The following ATP8A2 variants were observed in gnomAD, a reference collection of about 807,000 sequenced individuals.
ATP8A2 encodes the protein ATPase phospholipid transporting 8A2, also known as phospholipid-transporting ATPase IB.
A neutral mutation model predicts 165.6 loss-of-function variants in ATP8A2; 100 were observed. That is an observed-to-expected ratio of 0.60 (90% confidence interval 0.51 to 0.71). ATP8A2 has a LOEUF of 0.71. ATP8A2 is among the 30% of genes least tolerant of loss of function. The probability of loss-of-function intolerance (pLI) is 0.00; values close to 1 mark genes in which losing one functional copy is unlikely to be tolerated. For synonymous variants in ATP8A2, 543 were observed against 548.8 expected, an observed-to-expected ratio of 0.99 and a Z score of 0.15; for missense variants, 1,227 against 1,479.5, an observed-to-expected ratio of 0.83 and a Z score of 2.80.
intron 24 of ATP8A2, among the ~76,000 whole-genome samples, chr13:25,606,423 T>C (rs564172269): frequency 6.6e-6 from 1 of 152,352 alleles, no homozygotes; most frequent in South Asian, 2.1e-4. Flanking sequence ...TAAAGCCTAC[T>C]CTATAAGTTG....
At chr13:25,891,374 G>A (rs2138898345) in intron 33 of ATP8A2, among the ~76,000 whole-genome samples, 1 of 152,282 alleles carries the variant, frequency 6.6e-6, no homozygotes, top group African/African-American at 2.4e-5. Flanking sequence ...CCAGGCTGGA[G>A]TGCAATGGTG....
At chr13:25,810,161 G>A (rs1173520170) in intron 27 of ATP8A2, among the ~76,000 whole-genome samples, 1 of 152,178 alleles carries the variant, frequency 6.6e-6, no homozygotes, top group Non-Finnish European at 1.5e-5. Context: ...ACTACTGTGG[G>A]AAAAGCACTC....
intron 27 of ATP8A2, among the ~76,000 whole-genome samples, chr13:25,816,949 T>C (rs1326887198): frequency 1.3e-5 from 2 of 152,116 alleles, no homozygotes; most frequent in Admixed American, 1.3e-4. Context: ...TGTGACTTTA[T>C]TGGTTATAAA....
At chr13:25,788,259 A>G (rs1222270170) in intron 27 of ATP8A2, among the ~76,000 whole-genome samples, 4 of 152,274 alleles carry the variant, frequency 2.6e-5, no homozygotes. Flanking sequence ...AGTGCCGACC[A>G]CAGAGTGAGC....
chr13:25,562,241 A>G (rs528863397), intron 15 of ATP8A2, among the ~76,000 whole-genome samples: 114 of 152,318 alleles, frequency 7.5e-4, no homozygotes, highest in African/African-American at 2.6e-3. Flanking sequence ...CCTGCCAGCA[A>G]TGCACAAGGG....
At chr13:25,549,638 T>C (rs1396787749) in intron 10 of ATP8A2, among the ~76,000 whole-genome samples, 2 of 152,062 alleles carry the variant, frequency 1.3e-5, no homozygotes, top group Admixed American at 6.5e-5. Context: ...CAGTGTCTCC[T>C]TCCCCAACCT....
chr13:25,814,697 G>A lies in ATP8A2; in HGVS notation c.2680-13421G>A, dbSNP rs150904556. Among the ~76,000 whole-genome samples the A allele has an allele frequency of 5.1e-4, 77 of 150,784 alleles. No individual in the cohort carries two copies. In the East Asian group the frequency reaches 0.015, roughly 29 times the overall value. On this transcript the variant is annotated intron_variant, in intron 27 of 36. Transcript: ENST00000381655. ...TATCCAGATGCAAAATAATGAAGTT[G>A]GACCCTTACTTAACACCATATGAAA...
intron 35 of ATP8A2, among the ~76,000 whole-genome samples, chr13:25,979,230 A>T (rs2139249458): frequency 6.6e-6 from 1 of 152,328 alleles, no homozygotes; most frequent in East Asian, 1.9e-4. Context: ...TATCACCAAG[A>T]GATGGTCATT....
At chr13:26,001,133 TACAC>T (rs760448229) in intron 35 of ATP8A2, among the ~76,000 whole-genome samples, 7 of 152,246 alleles carry the variant, frequency 4.6e-5, no homozygotes, top group African/African-American at 7.2e-5. Flanking sequence ...AATCATGTAA[TACAC>T]AGCCTTTGAG....
intron 1 of ATP8A2, among the ~76,000 whole-genome samples, chr13:25,402,154 A>G (rs1390050695): frequency 1.3e-5 from 2 of 152,274 alleles, no homozygotes; most frequent in East Asian, 3.9e-4. Context: ...TTCGCTGGAT[A>G]AGGGGATGAT....
At chr13:25,475,351 TCA>T (rs766106574) in intron 2 of ATP8A2, among the ~76,000 whole-genome samples, 1 of 152,238 alleles carries the variant, frequency 6.6e-6, no homozygotes, top group South Asian at 2.1e-4. Context: ...AGACATGATC[TCA>T]TTCTTTTTTA....
chr13:25,407,328 T>C (rs1053663320), intron 1 of ATP8A2, among the ~76,000 whole-genome samples: 1 of 152,202 alleles, frequency 6.6e-6, no homozygotes, highest in Non-Finnish European at 1.5e-5. Context: ...AAAAGGCTAA[T>C]TGAATTTTTG....
chr13:25,624,898 G>C (rs1373479115), intron 24 of ATP8A2, among the ~76,000 whole-genome samples: 1 of 152,160 alleles, frequency 6.6e-6, no homozygotes, highest in Non-Finnish European at 1.5e-5. Context: ...GCAGATGTGT[G>C]TTGCTTCTGA....
At chr13:25,508,481 A>T (rs555947912) in intron 2 of ATP8A2, among the ~76,000 whole-genome samples, 25 of 152,376 alleles carry the variant, frequency 1.6e-4, no homozygotes, top group Admixed American at 1.3e-3. Flanking sequence ...TTATATCACC[A>T]TTAAAAAGGA....
chr13:25,637,032 A>G (rs942236062), intron 24 of ATP8A2, among the ~76,000 whole-genome samples: 9 of 142,028 alleles, frequency 6.3e-5, no homozygotes, highest in South Asian at 4.6e-4. Flanking sequence ...TGACACTGCA[A>G]TGAGTTGAGA....
In ATP8A2 at chr13:25,750,189, C is replaced by A. The variant is rs1037068970; in HGVS notation, c.2385-18857C>A. Among the ~76,000 whole-genome samples the A allele has an allele frequency of 1.6e-4, 24 of 152,188 alleles. No individual in the cohort carries two copies. The highest frequency in any genetic ancestry group is 3.1e-4 in the Non-Finnish European group (21 of 68,036). On this transcript the variant is annotated intron_variant, in intron 25 of 36. Coordinates refer to ENST00000381655, the MANE Select transcript of ATP8A2 (RefSeq NM_016529.6). The surrounding 1 kb of genome is among the most constrained non-coding windows in gnomAD (Gnocchi z 4.3). ...CGGTGAAGTCCTCCCTGAAGGGTCA[C>A]TGGTCCAGTTCGTGTGGAAGACAGG...
rs185966776 is a variant in ATP8A2 at position 25,817,815 on chromosome 13, C to G, written c.2680-10303C>G. Among the ~76,000 whole-genome samples, 134 of 152,132 alleles carry G rather than the reference C, an allele frequency of 8.8e-4. 1 individual carries two copies. Among genetic ancestry groups the G allele is most frequent in the African/African-American group, 2.9e-3 (119 of 41,500 alleles). ...ACCTCAGGCTCCTAGGTAACTGGGA[C>G]TACAGGCATGTGCCACCATGTCCAG... On this transcript the variant is annotated intron_variant, in intron 27 of 36. Coordinates refer to ENST00000381655, the MANE Select transcript of ATP8A2 (RefSeq NM_016529.6).
At chr13:25,900,881 C>G (rs1953721192) in intron 33 of ATP8A2, among the ~76,000 whole-genome samples, 1 of 152,216 alleles carries the variant, frequency 6.6e-6, no homozygotes, top group Non-Finnish European at 1.5e-5. Context: ...CACCTCCATT[C>G]TAGCCACGTC....
chr13:25,946,129 T>C (rs1955202846), intron 33 of ATP8A2, among the ~76,000 whole-genome samples: 1 of 152,070 alleles, frequency 6.6e-6, no homozygotes, highest in Non-Finnish European at 1.5e-5. Flanking sequence ...TGTCGCAGTC[T>C]AAGGCTCAGA....
Sources: gnomAD v4.1 joint callset for allele counts (sites outside exome capture counted in the v4.1 genomes callset) on GRCh38, gnomAD v4.1.1 for gene constraint, Gnocchi (gnomAD v3.1) non-coding constraint, MANE v1.5 for transcripts, NCBI Gene and HGNC (gene_info 2026-07-23, HGNC 2026-07-21) for gene names.